MAGI2: variants seen among roughly 807,000 people sequenced by gnomAD.
MAGI2 encodes the protein membrane associated guanylate kinase, WW and PDZ domain containing 2, also known as membrane-associated guanylate kinase, WW and PDZ domain-containing protein 2.
Under a neutral mutation model 133.3 loss-of-function variants are expected in MAGI2, and 35 were observed. The ratio of observed to expected loss-of-function variants is 0.26; its 90% CI spans 0.20 to 0.35. The LOEUF (loss-of-function observed/expected upper bound fraction) is 0.35, where lower values mean the gene tolerates loss of function less well. Ranked by LOEUF, MAGI2 falls within the 10% of genes least tolerant of loss-of-function variation. MAGI2 has a pLI of 1.00. For synonymous variants in MAGI2, 729 were observed against 710.6 expected, an observed-to-expected ratio of 1.03 and a Z score of -0.41; for missense variants, 1,636 against 1,863.4, an observed-to-expected ratio of 0.88 and a Z score of 2.25.
chr7:78,774,640 G>T (rs1484875116), intron 2 of MAGI2, among the ~76,000 whole-genome samples: 1 of 152,164 alleles, frequency 6.6e-6, no homozygotes, highest in Non-Finnish European at 1.5e-5. Flanking sequence ...ATCAGTTATA[G>T]CCAGAGTGTC....
At chr7:78,404,534 T>A (rs1797198937) in intron 6 of MAGI2, among the ~76,000 whole-genome samples, 1 of 152,122 alleles carries the variant, frequency 6.6e-6, no homozygotes. Flanking sequence ...AACCACCTGA[T>A]CTTTGACAAA....
chr7:78,815,816 G>A (rs1789526418), intron 2 of MAGI2, among the ~76,000 whole-genome samples: 1 of 152,084 alleles, frequency 6.6e-6, no homozygotes, highest in African/African-American at 2.4e-5. Flanking sequence ...CTCTCTTTGT[G>A]TGTCTTTATT....
intron 3 of MAGI2, among the ~76,000 whole-genome samples, chr7:78,587,596 A>T (rs1035713120): frequency 6.6e-6 from 1 of 152,352 alleles, no homozygotes; most frequent in South Asian, 2.1e-4. Flanking sequence ...CACTTTATAC[A>T]GTCCAACTGA....
chr7:78,175,413 A>G (rs914383010), intron 14 of MAGI2, among the ~76,000 whole-genome samples: 2 of 152,032 alleles, frequency 1.3e-5, no homozygotes, highest in African/African-American at 2.4e-5. Flanking sequence ...TGCAAGTGTG[A>G]GTGGAGACTC....
At position 79,353,805 on chromosome 7, in the gene MAGI2, G is replaced by T. The variant is rs376715366; in HGVS notation, c.301+99215C>A. The T allele has an allele frequency of 3.2e-5, 7 of 221,718 alleles. No homozygotes were observed. In the South Asian group the frequency reaches 3.7e-4, roughly 12 times the overall value. The allele number at this position is 221,718 out of a possible 1,614,324, so 13.7% of individuals were successfully genotyped here. ...AGTCCATCTAACAACCACTTTCACT[G>T]GGTGCTGGCAGGGGGTGGTGGTGGG... On this transcript the variant is annotated intron_variant, in intron 1 of 21. Transcript: ENST00000354212.
rs558882866 is a variant in MAGI2, at chr7:78,641,677, A to C, written c.419-14438T>G. Among the ~76,000 whole-genome samples, 4 of 152,314 alleles carry C rather than the reference A, an allele frequency of 2.6e-5. No homozygotes were observed. In the East Asian group the frequency reaches 7.7e-4, roughly 29 times the overall value. ...TGTTGGTGTGGCCAGCATTAAGTGT[A>C]ACATTTCATGTGTCAATTTTTTTTT... On this transcript the variant is annotated intron_variant, in intron 2 of 21. Transcript: ENST00000354212.
At chr7:79,124,989 C>A (rs1470642019) in intron 1 of MAGI2, 2 of 261,724 alleles carry the variant, frequency 7.6e-6, no homozygotes, top group Non-Finnish European at 7.5e-6. Flanking sequence ...GTTGTGGAAG[C>A]AAAGAGGGCC....
intron 1 of MAGI2, among the ~76,000 whole-genome samples, chr7:79,301,300 A>G (rs1201976982): frequency 6.6e-6 from 1 of 152,238 alleles, no homozygotes; most frequent in African/African-American, 2.4e-5. Flanking sequence ...CTAAGAGAGC[A>G]GCCATGGGGA....
intron 6 of MAGI2, among the ~76,000 whole-genome samples, chr7:78,410,008 C>T (rs1022079247): frequency 4.0e-5 from 6 of 151,462 alleles, no homozygotes; most frequent in Admixed American, 1.3e-4. Flanking sequence ...CTGAAAGGAC[C>T]GTCATCAGCT....
chr7:78,150,554 A>G (rs551181017), intron 16 of MAGI2, among the ~76,000 whole-genome samples: 2 of 152,332 alleles, frequency 1.3e-5, no homozygotes, highest in East Asian at 3.9e-4. Flanking sequence ...CATCCTGTAC[A>G]TGATGCCTGG....
intron 2 of MAGI2, among the ~76,000 whole-genome samples, chr7:78,767,521 A>T (rs1825152128): frequency 6.6e-6 from 1 of 152,188 alleles, no homozygotes; most frequent in Non-Finnish European, 1.5e-5. Flanking sequence ...GTCTTTTATC[A>T]TATCTGCTTA....
chr7:78,926,861 T>C (rs1356804344), intron 2 of MAGI2, among the ~76,000 whole-genome samples: 2 of 151,596 alleles, frequency 1.3e-5, no homozygotes, highest in Non-Finnish European at 2.9e-5. Context: ...AAGTGGAACA[T>C]GAGTACCATT....
intron 1 of MAGI2, among the ~76,000 whole-genome samples, chr7:79,264,587 T>C (rs1452368212): frequency 6.6e-6 from 1 of 152,226 alleles, no homozygotes; most frequent in Non-Finnish European, 1.5e-5. Flanking sequence ...ATAAGTATTT[T>C]ACTATTTTAT....
At chr7:78,575,276 T>A (rs957110626) in intron 3 of MAGI2, among the ~76,000 whole-genome samples, 1 of 152,096 alleles carries the variant, frequency 6.6e-6, no homozygotes, top group African/African-American at 2.4e-5. Context: ...ATAGCCAAAG[T>A]ATAAAATATT....
chr7:79,035,189 A>AGTGT (rs71531161), intron 1 of MAGI2, among the ~76,000 whole-genome samples: 6 of 126,116 alleles, frequency 4.8e-5, no homozygotes, highest in Non-Finnish European at 8.3e-5. Context: ...CACAAAAAAA[A>AGTGT]GTGTGTGTGT....
intron 7 of MAGI2, among the ~76,000 whole-genome samples, chr7:78,356,352 G>A (rs887063906): frequency 7.9e-5 from 12 of 152,170 alleles, no homozygotes; most frequent in Non-Finnish European, 1.3e-4. Context: ...AATGGAGGGA[G>A]TTGTTAAAGG....
chr7:78,387,970 A>G (rs1181560416), intron 6 of MAGI2, among the ~76,000 whole-genome samples: 2 of 111,686 alleles, frequency 1.8e-5, no homozygotes, highest in East Asian at 4.5e-4. Context: ...ATAAATAAAT[A>G]AATAAAATAA....
intron 10 of MAGI2, among the ~76,000 whole-genome samples, chr7:78,222,802 G>C (rs1461155185): frequency 2.0e-5 from 3 of 152,170 alleles, no homozygotes; most frequent in Non-Finnish European, 4.4e-5. Flanking sequence ...AGCCAGAAAA[G>C]AGAATTTCCT....
At chr7:78,153,350 A>G (rs1824075642) in intron 16 of MAGI2, among the ~76,000 whole-genome samples, 2 of 152,204 alleles carry the variant, frequency 1.3e-5, no homozygotes, top group South Asian at 4.1e-4. Context: ...GTGTGCCAAG[A>G]CAGTTGGGGA....
Sources: gnomAD v4.1 joint callset for allele counts (sites outside exome capture counted in the v4.1 genomes callset) on GRCh38, gnomAD v4.1.1 for gene constraint, MANE v1.5 for transcripts, NCBI Gene and HGNC (gene_info 2026-07-23, HGNC 2026-07-21) for gene names.